The following DLK2 variants were observed in gnomAD, a reference collection of about 807,000 sequenced individuals.
DLK2 encodes the protein delta like non-canonical Notch ligand 2, also known as protein delta homolog 2.
DLK2 carries 9 observed loss-of-function variants against 31.3 expected under a neutral mutation model. The ratio of observed to expected loss-of-function variants is 0.29; its 90% CI spans 0.17 to 0.50. DLK2 has a LOEUF of 0.50. Among genes scored for constraint, DLK2 ranks in the 20% least tolerant of loss-of-function variants. The pLI is 0.98. For synonymous variants in DLK2, 169 were observed against 201.2 expected (o/e 0.84, Z 1.35); for missense variants, 387 against 526.1 (o/e 0.74, Z 2.59).
chr6:43,453,088 A>G lies in DLK2; in HGVS notation c.188T>C (p.Met63Thr). ...EGLHCERCVRMPGCQHGTCHQ... is the reference protein window; with the variant it reads ...EGLHCERCVRTPGCQHGTCHQ... Reference sequence around the variant, plus strand: ...GCAGGTACCGTGCTGGCAGCCAGGCATCCTCACACAGCGCTCACAGTGCAG... The same window carrying G: ...GCAGGTACCGTGCTGGCAGCCAGGCGTCCTCACACAGCGCTCACAGTGCAG... Residue 63 changes from methionine (M) to threonine (T), a missense_variant, in exon 4 of 6, where the codon ATG (methionine) becomes ACG (threonine). By Grantham distance (81) the Met-to-Thr change is moderately conservative. Transcript: ENST00000372488. This position sits in a 1 kb window ranked among gnomAD's most constrained non-coding sequence, Gnocchi z 4.1. 2 of 1,614,066 alleles carry G rather than the reference A, an allele frequency of 1.2e-6. No individual in the cohort carries two copies. The highest frequency in any genetic ancestry group is 1.7e-6 in the Non-Finnish European group (2 of 1,179,972).
At position 43,453,587 on chromosome 6, in the gene DLK2, G is replaced by A. The variant is rs556914237; in HGVS notation, c.141-452C>T. ...GCAGGTGGATCACTTGAGGTCAGGA[G>A]TTCAAGACCAGCCTGGCCAACTGGG... On this transcript the variant is annotated intron_variant, in intron 3 of 5. Coordinates refer to ENST00000372488, the MANE Select transcript of DLK2 (RefSeq NM_023932.4). The surrounding 1 kb of genome is among the most constrained non-coding windows in gnomAD (Gnocchi z 4.1). Among the ~76,000 whole-genome samples the A allele has an allele frequency of 3.3e-5, 5 of 152,306 alleles. No homozygotes were observed. Among genetic ancestry groups the A allele is most frequent in the African/African-American group, 1.2e-4 (5 of 41,574 alleles).
At chr6:43,452,158 C>T in intron 4 of DLK2, 74 bp from the exon 5 acceptor site, 1 of 1,588,330 alleles carries the variant, frequency 6.3e-7, no homozygotes, top group South Asian at 1.1e-5. Flanking sequence ...TCCACGCCTT[C>T]CAGGCCCCAG....
chr6:43,451,389 C>G lies in DLK2; in HGVS notation c.417-115G>C, dbSNP rs562998582. 5 of 1,262,946 alleles carry G rather than the reference C, an allele frequency of 4.0e-6. No homozygotes were observed. The highest frequency in any genetic ancestry group is 5.4e-6 in the Non-Finnish European group (5 of 929,456). 78.2% of individuals were successfully genotyped at this position (1,262,946 alleles called of 1,614,324 possible). A position where few individuals can be genotyped will look rare whatever the true frequency, so the allele number is the denominator to read the frequency against. ...TCATCTTGGGCTACACACTCCGAGC[C>G]TCAAATACCTCATTTTAAAAATGAG... On this transcript the variant is annotated intron_variant, in intron 5 of 5. Coordinates refer to ENST00000372488, the MANE Select transcript of DLK2 (RefSeq NM_023932.4). The surrounding 1 kb of genome is among the most constrained non-coding windows in gnomAD (Gnocchi z 4.4).
At position 43,453,232 on chromosome 6, in the gene DLK2, A is replaced by G. The variant is rs1581817139; in HGVS notation, c.141-97T>C. 1.4e-6 allele frequency: 2 copies of G among 1,447,162 alleles called. No homozygotes were observed. Among genetic ancestry groups the G allele is most frequent in the Admixed American group, 2.6e-5 (1 of 38,216 alleles). The allele number at this position is 1,447,162 out of a possible 1,614,324, so 89.6% of individuals were successfully genotyped here. On this transcript the variant is annotated intron_variant, in intron 3 of 5. Coordinates refer to ENST00000372488, the MANE Select transcript of DLK2 (RefSeq NM_023932.4). The surrounding 1 kb of genome is among the most constrained non-coding windows in gnomAD (Gnocchi z 4.1). The stretch of plus-strand genomic sequence containing the variant: ...CTTCTAGAAACCAAGAGGACATATG[A>G]CAGCCCCTAAGGGAAAGCAGACCTG...
rs1436226124 is a variant in DLK2 at position 43,453,743 on chromosome 6, C to T, written c.141-608G>A. On this transcript the variant is annotated intron_variant, in intron 3 of 5. Coordinates refer to ENST00000372488, the MANE Select transcript of DLK2 (RefSeq NM_023932.4). This position sits in a 1 kb window ranked among gnomAD's most constrained non-coding sequence, Gnocchi z 4.1. ...GGCAGAGGCTGCAGTGAGCTGAGATCGCGCCACTGCACTCCAGCCTTGGCA... is the reference window on the plus strand; with the variant it reads ...GGCAGAGGCTGCAGTGAGCTGAGATTGCGCCACTGCACTCCAGCCTTGGCA... Among the ~76,000 whole-genome samples, 1 of 152,128 alleles carries T rather than the reference C, an allele frequency of 6.6e-6. No individual in the cohort carries two copies. Among genetic ancestry groups the T allele is most frequent in the African/African-American group, 2.4e-5 (1 of 41,404 alleles).
Position 43,453,255 on chromosome 6 carries a change from C to T in DLK2, c.141-120G>A. On this transcript the variant is annotated intron_variant, in intron 3 of 5. Coordinates refer to ENST00000372488, the MANE Select transcript of DLK2 (RefSeq NM_023932.4). The surrounding 1 kb of genome is among the most constrained non-coding windows in gnomAD (Gnocchi z 4.1). ...TGACAGCCCCTAAGGGAAAGCAGAC[C>T]TGTCCCAGGTAGGTGTAGGACTGTG... The T allele has an allele frequency of 1.5e-6, 2 of 1,338,266 alleles. No homozygotes were observed. Among genetic ancestry groups the T allele is most frequent in the Non-Finnish European group, 2.0e-6 (2 of 1,008,524 alleles). 82.9% of individuals were successfully genotyped at this position (1,338,266 alleles called of 1,614,324 possible). A position where few individuals can be genotyped will look rare whatever the true frequency, so the allele number is the denominator to read the frequency against.
rs747440045 is a variant in DLK2 at position 43,450,676 on chromosome 6, G to A, written c.1015C>T (p.Pro339Ser). The A allele has an allele frequency of 1.2e-6, 2 of 1,613,850 alleles. No homozygotes were observed. The highest frequency in any genetic ancestry group is 1.3e-5 in the African/African-American group (1 of 74,922). ...GGGGCAGGGTAGCAACAGGGTCCAG[G>A]GGGGCAGACACCCCGGCGCCAGGCC... is the stretch of plus-strand genomic sequence containing the variant. The part of the protein sequence containing the change: ...LRAWRRGVCP[P>S]GPCCYPAPHY... Residue 339 changes from proline to serine, a missense_variant, in exon 6 of 6, where the codon CCT becomes TCT. Coordinates refer to ENST00000372488, the MANE Select transcript of DLK2 (RefSeq NM_023932.4). This position sits in a 1 kb window ranked among gnomAD's most constrained non-coding sequence, Gnocchi z 4.5.
In DLK2 at chr6:43,454,767, G is replaced by T; in HGVS notation, c.59C>A (p.Pro20His). 6.4e-7 allele frequency: 1 copy of T among 1,555,100 alleles called. No homozygotes were observed. ...GCGCTCACCTCGGACAGGCTGACCG[G>T]GAGCCCCCAGAATGCACAACAGGCA... ...LVCLLCILGA[P>H]GQPVRADDCS... The change falls in exon 2 of 6, where the codon CCC becomes CAC. Residue 20 changes from proline (P) to histidine (H), a missense_variant. Coordinates refer to ENST00000372488, the MANE Select transcript of DLK2 (RefSeq NM_023932.4).
At chr6:43,452,929 C>T in intron 4 of DLK2, 76 bp downstream of exon 4, 3 of 1,572,532 alleles carry the variant, frequency 1.9e-6, no homozygotes, top group Non-Finnish European at 2.6e-6. Flanking sequence ...ACAAAATAGG[C>T]ACTCAATAAA....
chr6:43,450,874 G>C lies in DLK2; in HGVS notation c.817C>G (p.Pro273Ala), dbSNP rs750868640. 1.2e-6 allele frequency: 2 copies of C among 1,614,176 alleles called. No homozygotes were observed. The highest frequency in any genetic ancestry group is 1.1e-5 in the South Asian group (1 of 91,090). Residue 273 changes from proline to alanine, a missense_variant, in exon 6 of 6, where the codon CCT becomes GCT. Pro to Ala is a conservative substitution (Grantham distance 27). Transcript: ENST00000372488. The surrounding 1 kb of genome is among the most constrained non-coding windows in gnomAD (Gnocchi z 4.5). ...CTGTGGGGGGCTGGCCCCGTGGCAG[G>C]TACCACTACAGCTGAGGTGGGCCCT... Reference protein sequence around the residue: ...PLGPTSAVVVPATGPAPHSAG... With the variant: ...PLGPTSAVVVAATGPAPHSAG...
chr6:43,451,186 C>T lies in DLK2; in HGVS notation c.505G>A (p.Ala169Thr). The change falls in exon 6 of 6, where the codon GCC becomes ACC. Residue 169 changes from alanine (A) to threonine (T), a missense_variant. Physicochemically the swap from Ala to Thr is moderately conservative, Grantham distance 58 (BLOSUM62 0). Coordinates refer to ENST00000372488, the MANE Select transcript of DLK2 (RefSeq NM_023932.4). The surrounding 1 kb of genome is among the most constrained non-coding windows in gnomAD (Gnocchi z 4.4). Reference protein sequence around the residue: ...TCRCLVGFVGARCEVNVDDCL... With the variant: ...TCRCLVGFVGTRCEVNVDDCL... The stretch of plus-strand genomic sequence containing the variant: ...TCATCCACATTTACCTCACAGCGGG[C>T]ACCCACAAAGCCCACCAAGCAGCGG... The T allele has an allele frequency of 6.2e-7, 1 of 1,614,194 alleles. No individual in the cohort carries two copies. Among genetic ancestry groups the T allele is most frequent in the Non-Finnish European group, 8.5e-7 (1 of 1,180,012 alleles).
At chr6:43,452,358 A>G (rs1236057020) in intron 4 of DLK2, among the ~76,000 whole-genome samples, 3 of 152,252 alleles carry the variant, frequency 2.0e-5, no homozygotes, top group African/African-American at 7.2e-5. Flanking sequence ...AGGTGGGCAG[A>G]TGACTTGAGG....
rs376369380 is a variant in DLK2 at position 43,453,142 on chromosome 6, G to A, written c.141-7C>T. 2.6e-5 allele frequency: 41 copies of A among 1,593,544 alleles called. No homozygotes were observed. The African/African-American group carries it at 5.4e-4, about 21-fold the overall frequency. ...CTCCCAGCCCGGGTCACACCTGACG[G>A]GGAGAAGCACAGGGTCAGGGCTCTG... On this transcript the variant is annotated splice_region_variant and splice_polypyrimidine_tract_variant and intron_variant, in intron 3 of 5. Coordinates refer to ENST00000372488, the MANE Select transcript of DLK2 (RefSeq NM_023932.4). The surrounding 1 kb of genome is among the most constrained non-coding windows in gnomAD (Gnocchi z 4.1).
At position 43,451,148 on chromosome 6, in the gene DLK2, C is replaced by G. The variant is rs34277104; in HGVS notation, c.543G>C (p.Arg181=). Residue 181 remains arginine (R), a synonymous_variant, in exon 6 of 6, where the codon CGG becomes CGC. Transcript: ENST00000372488. The surrounding 1 kb of genome is among the most constrained non-coding windows in gnomAD (Gnocchi z 4.4). ...CEVNVDDCLM[R]PCANGATCLD... is the part of the protein sequence containing the mutation. ...GGCAGGTGGCACCGTTAGCACAAGG[C>G]CGCATCAGGCAGTCATCCACATTTA... 6.2e-7 allele frequency: 1 copy of G among 1,614,084 alleles called. No homozygotes were observed. Among genetic ancestry groups the G allele is most frequent in the Non-Finnish European group, 8.5e-7 (1 of 1,180,044 alleles).
Position 43,454,583 on chromosome 6 carries a change from A to C in DLK2, c.77-109T>G, listed in dbSNP as rs2127424395. The C allele has an allele frequency of 1.6e-5, 21 of 1,336,672 alleles. 1 individual carries two copies. The South Asian group carries it at 2.8e-4, about 18-fold the overall frequency. 82.8% of individuals were successfully genotyped at this position (1,336,672 alleles called of 1,614,324 possible). A position where few individuals can be genotyped will look rare whatever the true frequency, so the allele number is the denominator to read the frequency against. The stretch of plus-strand genomic sequence containing the variant: ...CCAGTAACTGAGCGGACTCAACCCT[A>C]GGGCAGGACATAACACAGAAACTCA... On this transcript the variant is annotated intron_variant, in intron 2 of 5. Transcript: ENST00000372488.
chr6:43,452,091 A>G lies in DLK2; in HGVS notation c.272-7T>C, dbSNP rs1446725988. 3.1e-6 allele frequency: 5 copies of G among 1,614,054 alleles called. No individual in the cohort carries two copies. Among genetic ancestry groups the G allele is most frequent in the Admixed American group, 3.3e-5 (2 of 60,006 alleles). On this transcript the variant is annotated splice_region_variant and splice_polypyrimidine_tract_variant and intron_variant, in intron 4 of 5. Coordinates refer to ENST00000372488, the MANE Select transcript of DLK2 (RefSeq NM_023932.4). ...GTGGTACAGATATGTTCATCTGGAG[A>G]GGGGACAGGAAAGGCTCTGGGATAA...
rs34277104 is a variant in DLK2 at position 43,451,148 on chromosome 6, C to T, written c.543G>A (p.Arg181=). ...GGCAGGTGGCACCGTTAGCACAAGG[C>T]CGCATCAGGCAGTCATCCACATTTA... ...CEVNVDDCLM[R]PCANGATCLD... The change falls in exon 6 of 6, where the codon CGG becomes CGA. Residue 181 remains arginine (R), a synonymous_variant. Transcript: ENST00000372488. The surrounding 1 kb of genome is among the most constrained non-coding windows in gnomAD (Gnocchi z 4.4). The T allele has an allele frequency of 1.1e-3, 1,787 of 1,614,196 alleles. 15 individuals are homozygous for T. The African/African-American group carries it at 0.02, about 18-fold the overall frequency.
rs763897956 is a variant in DLK2, at chr6:43,450,496, G to A, written c.*43C>T. ...GAGAACGGACCACTCCAGTCTGAGG[G>A]GTGGAAGAGGTGAGGAAGGGGGCCA... On this transcript the variant is annotated 3_prime_UTR_variant, in exon 6 of 6. Transcript: ENST00000372488. The surrounding 1 kb of genome is among the most constrained non-coding windows in gnomAD (Gnocchi z 4.5). 1.3e-6 allele frequency: 2 copies of A among 1,520,594 alleles called. No homozygotes were observed. The highest frequency in any genetic ancestry group is 2.6e-5 in the South Asian group (2 of 75,522). The allele number at this position is 1,520,594 out of a possible 1,614,324, so 94.2% of individuals were successfully genotyped here.
chr6:43,456,077 C>T (rs1268535590), upstream of DLK2: 2 of 152,602 alleles, frequency 1.3e-5, no homozygotes, highest in Non-Finnish European at 2.9e-5. Flanking sequence ...TCAACCTATC[C>T]CTATATAAAT....
Sources: allele counts gnomAD v4.1 joint callset (sites outside exome capture counted in the v4.1 genomes callset), GRCh38; gene constraint gnomAD v4.1.1; non-coding constraint Gnocchi (gnomAD v3.1); transcripts MANE v1.5; gene names NCBI Gene and HGNC (gene_info 2026-07-23, HGNC 2026-07-21).